Variants in LRBA observed in about 807,000 individuals in gnomAD.
LRBA encodes the protein lipopolysaccharide-responsive and beige-like anchor protein.
A neutral mutation model predicts 330.0 loss-of-function variants in LRBA; 176 were observed. The ratio of observed to expected loss-of-function variants is 0.53; its 90% confidence interval spans 0.47 to 0.60. The LOEUF (loss-of-function observed/expected upper bound fraction) is 0.60. Among genes scored for constraint, LRBA ranks in the 20% least tolerant of loss-of-function variants. The pLI is 0.00. For missense variants in LRBA, 3,259 were observed against 3,444.8 expected, an observed-to-expected ratio of 0.95 and a Z score of 1.35; for synonymous variants, 1,230 against 1,193.0, an observed-to-expected ratio of 1.03 and a Z score of -0.64.
At chr4:150,838,441 A>AC (rs1748509499) in intron 28 of LRBA, among the ~76,000 whole-genome samples, 1 of 152,144 alleles carries the variant, frequency 6.6e-6, no homozygotes, top group African/African-American at 2.4e-5. Context: ...TCAGACGTAG[A>AC]TTTGGTCTTT....
chr4:150,349,959 C>T, intron 48 of LRBA, 33 bp downstream of exon 48: 1 of 1,600,436 alleles, frequency 6.2e-7, no homozygotes, highest in Middle Eastern at 1.7e-4. Context: ...ATATACCTGA[C>T]TATAAGTTGC....
intron 1 of LRBA, 136 bp downstream of exon 1, chr4:151,015,066 C>G (rs1258047818): frequency 6.1e-6 from 1 of 163,586 alleles, no homozygotes; most frequent in Non-Finnish European, 1.3e-5. Flanking sequence ...CTCCCCCACT[C>G]TCGTGCAGGT....
chr4:150,735,522 T>G (rs1172390189), intron 35 of LRBA, among the ~76,000 whole-genome samples, 156 bp from the exon 36 acceptor site: 5 of 152,230 alleles, frequency 3.3e-5, no homozygotes, highest in African/African-American at 1.2e-4. Context: ...AATTGAGGAA[T>G]GTAACAACAG....
chr4:150,873,959 G>A (rs1347637552), intron 17 of LRBA, among the ~76,000 whole-genome samples: 1 of 152,130 alleles, frequency 6.6e-6, no homozygotes, highest in African/African-American at 2.4e-5. Flanking sequence ...TCAAATCTTA[G>A]TACAAAAACT....
At chr4:150,489,627 A>G (rs1403961434) in intron 41 of LRBA, among the ~76,000 whole-genome samples, 2 of 121,244 alleles carry the variant, frequency 1.6e-5, no homozygotes, top group African/African-American at 6.4e-5. Context: ...ATAAGAATAT[A>G]TAATATATAA....
Position 150,434,053 on chromosome 4 carries a change from T to A in LRBA, c.7041+1536A>T, listed in dbSNP as rs191741344. Among the ~76,000 whole-genome samples, 1,071 of 152,210 alleles carry A rather than the reference T, an allele frequency of 7.0e-3. 10 individuals are homozygous for A. Among genetic ancestry groups the A allele is most frequent in the Non-Finnish European group, 0.011 (754 of 67,988 alleles). ...TGCAATTGTCATTATACTGAAAAAA[T>A]TTTTAAGTACTCTACAGTAACATAC... On this transcript the variant is annotated intron_variant, in intron 46 of 56. Coordinates refer to ENST00000651943, the MANE Select transcript of LRBA (RefSeq NM_001364905.1).
intron 37 of LRBA, among the ~76,000 whole-genome samples, chr4:150,600,024 C>T (rs1310723201): frequency 6.6e-6 from 1 of 151,926 alleles, no homozygotes; most frequent in African/African-American, 2.4e-5. Flanking sequence ...TCCCCTATTA[C>T]ATACACATTT....
chr4:150,373,041 C>G (rs1050350223), intron 47 of LRBA, among the ~76,000 whole-genome samples: 1 of 151,204 alleles, frequency 6.6e-6, no homozygotes, highest in African/African-American at 2.4e-5. Flanking sequence ...GTCAACAATG[C>G]GAGACATTTT....
At chr4:150,723,886 C>A (rs1009043179) in intron 36 of LRBA, among the ~76,000 whole-genome samples, 1 of 152,164 alleles carries the variant, frequency 6.6e-6, no homozygotes, top group African/African-American at 2.4e-5. Context: ...GACAGAAGAG[C>A]CCCTAGGCTC....
intron 8 of LRBA, among the ~76,000 whole-genome samples, chr4:150,915,372 T>C (rs1732472183): frequency 6.6e-6 from 1 of 152,092 alleles, no homozygotes; most frequent in South Asian, 2.1e-4. Flanking sequence ...ACTCCCCAGA[T>C]ATAGCCACTG....
intron 40 of LRBA, among the ~76,000 whole-genome samples, chr4:150,518,653 C>G (rs187359561): frequency 9.2e-5 from 14 of 152,196 alleles, no homozygotes; most frequent in African/African-American, 3.1e-4. Flanking sequence ...GAATACAAAC[C>G]CTTTGAATTT....
chr4:150,774,574 G>A (rs1477671576), intron 34 of LRBA, among the ~76,000 whole-genome samples: 1 of 152,220 alleles, frequency 6.6e-6, no homozygotes, highest in Non-Finnish European at 1.5e-5. Flanking sequence ...CCACAGCTCT[G>A]ACTACTGAGT....
intron 2 of LRBA, among the ~76,000 whole-genome samples, chr4:151,000,050 A>G (rs1263790701): frequency 6.6e-6 from 1 of 152,212 alleles, no homozygotes; most frequent in African/African-American, 2.4e-5. Context: ...ATTAACAACA[A>G]TAACTAGTAA....
At chr4:150,891,074 C>A (rs1729410628) in intron 17 of LRBA, among the ~76,000 whole-genome samples, 1 of 152,078 alleles carries the variant, frequency 6.6e-6, no homozygotes, top group Admixed American at 6.6e-5. Flanking sequence ...ACCCTTAAAT[C>A]TTTTTTCTGA....
At chr4:150,624,207 T>C (rs1012603363) in intron 37 of LRBA, among the ~76,000 whole-genome samples, 1 of 152,018 alleles carries the variant, frequency 6.6e-6, no homozygotes, top group East Asian at 1.9e-4. Context: ...ATATACATGT[T>C]TGAAACCCTG....
intron 46 of LRBA, among the ~76,000 whole-genome samples, chr4:150,430,229 C>T (rs1750192448): frequency 6.6e-6 from 1 of 152,122 alleles, no homozygotes; most frequent in South Asian, 2.1e-4. Flanking sequence ...TGCTCCTTGC[C>T]TAATTAACAA....
At chr4:150,697,654 T>C (rs569327108) in intron 36 of LRBA, among the ~76,000 whole-genome samples, 88 of 152,212 alleles carry the variant, frequency 5.8e-4, no homozygotes, top group African/African-American at 2.1e-3. Context: ...ACATACAAAA[T>C]ATTAACTAGA....
chr4:150,492,265 C>G (rs2152106467), intron 40 of LRBA, among the ~76,000 whole-genome samples: 1 of 151,032 alleles, frequency 6.6e-6, no homozygotes, highest in Non-Finnish European at 1.5e-5. Context: ...TCTGACACCA[C>G]AGAATCTAGA....
intron 47 of LRBA, among the ~76,000 whole-genome samples, chr4:150,355,166 A>T (rs1737673732): frequency 6.6e-6 from 1 of 151,980 alleles, no homozygotes; most frequent in Admixed American, 6.6e-5. Context: ...AAAAATTCTA[A>T]ACTAAAAGGC....
Sources: gnomAD v4.1 joint callset for allele counts (sites outside exome capture counted in the v4.1 genomes callset) on GRCh38, gnomAD v4.1.1 for gene constraint, MANE v1.5 for transcripts, NCBI Gene and HGNC (gene_info 2026-07-23, HGNC 2026-07-21) for gene names.